Variants in NR6A1 observed in about 807,000 individuals in gnomAD.
The protein encoded by NR6A1 is nuclear receptor subfamily 6 group A member 1.
A neutral mutation model predicts 59.1 loss-of-function variants in NR6A1; 7 were observed. The ratio of observed to expected loss-of-function variants is 0.12; its 90% CI spans 0.07 to 0.22. The LOEUF is 0.22. Ranked by LOEUF, NR6A1 falls within the 10% of genes least tolerant of loss-of-function variation. The pLI is 1.00. For missense variants in NR6A1, 468 were observed against 611.6 expected (o/e 0.77, Z 2.48); for synonymous variants, 243 against 236.1 (o/e 1.03, Z -0.27).
At chr9:124,664,319 G>A (rs1837537763) in intron 2 of NR6A1, among the ~76,000 whole-genome samples, 1 of 152,192 alleles carries the variant, frequency 6.6e-6, no homozygotes, top group African/African-American at 2.4e-5. Context: ...TAGTTTAGAA[G>A]GAGGGTTTTC....
At chr9:124,543,458 A>T (rs1833506560) in intron 4 of NR6A1, among the ~76,000 whole-genome samples, 1 of 152,214 alleles carries the variant, frequency 6.6e-6, no homozygotes, top group South Asian at 2.1e-4. Context: ...AGATGAAATG[A>T]ACAAAGCAAA....
intron 2 of NR6A1, among the ~76,000 whole-genome samples, chr9:124,701,816 C>T (rs1194017169): frequency 6.6e-6 from 1 of 152,106 alleles, no homozygotes; most frequent in Non-Finnish European, 1.5e-5. Context: ...CTCCACCTCC[C>T]GGGTTCATGC....
intron 1 of NR6A1, among the ~76,000 whole-genome samples, chr9:124,749,492 T>C (rs952699837): frequency 2.6e-5 from 4 of 152,188 alleles, no homozygotes; most frequent in African/African-American, 9.7e-5. Context: ...AGTATTCATG[T>C]GAAAATTGAC....
At chr9:124,665,010 CA>C (rs59451556) in intron 2 of NR6A1, among the ~76,000 whole-genome samples, 1,449 of 13,720 alleles carry the variant, frequency 0.11, 168 homozygotes, top group East Asian at 0.49. Context: ...CTTGTATCTC[CA>C]AAAAAAAAAA....
rs536950588 is a variant in NR6A1, at chr9:124,733,436, G to A, written c.101-87C>T. On this transcript the variant is annotated intron_variant, in intron 1 of 9. Transcript: ENST00000487099. ...ATATGAAGTATCATACAGTTGGGGG[G>A]AAATCTATACTCAGAAGTCAATTTG... The A allele has an allele frequency of 1.0e-3, 1,043 of 1,018,686 alleles. 4 individuals carry two copies. Among genetic ancestry groups the A allele is most frequent in the Middle Eastern group, 2.3e-3 (11 of 4,682 alleles). The allele number at this position is 1,018,686 out of a possible 1,614,324, so 63.1% of individuals were successfully genotyped here.
intron 2 of NR6A1, among the ~76,000 whole-genome samples, chr9:124,701,994 G>C (rs1372818667): frequency 6.6e-6 from 1 of 152,164 alleles, no homozygotes; most frequent in Non-Finnish European, 1.5e-5. Flanking sequence ...CAAAGTGCTA[G>C]GATTACAGGT....
intron 1 of NR6A1, among the ~76,000 whole-genome samples, chr9:124,753,845 G>A (rs1300095458): frequency 6.6e-6 from 1 of 152,120 alleles, no homozygotes; most frequent in Non-Finnish European, 1.5e-5. Context: ...ACCTAGCCTT[G>A]CTTTTACCCT....
At chr9:124,573,949 G>A (rs1834521297) in intron 2 of NR6A1, among the ~76,000 whole-genome samples, 1 of 152,164 alleles carries the variant, frequency 6.6e-6, no homozygotes, top group South Asian at 2.1e-4. Flanking sequence ...ACAGAGGACA[G>A]ACAAGAGGAC....
At chr9:124,528,901 T>C (rs1330175733) in intron 7 of NR6A1, among the ~76,000 whole-genome samples, 1 of 152,238 alleles carries the variant, frequency 6.6e-6, no homozygotes, top group Non-Finnish European at 1.5e-5. Flanking sequence ...TATGCGTAGA[T>C]TATACACAAA....
At chr9:124,664,281 G>A (rs1407009362) in intron 2 of NR6A1, among the ~76,000 whole-genome samples, 1 of 152,238 alleles carries the variant, frequency 6.6e-6, no homozygotes, top group East Asian at 1.9e-4. Flanking sequence ...AAAGCAAACA[G>A]CGGAAGTGTA....
Position 124,569,523 on chromosome 9 carries a change from T to C in NR6A1, c.143-14953A>G, listed in dbSNP as rs375583058. Among the ~76,000 whole-genome samples the C allele has an allele frequency of 7.9e-5, 12 of 152,338 alleles. No homozygotes were observed. The East Asian group carries it at 9.6e-4, about 12-fold the overall frequency. On this transcript the variant is annotated intron_variant, in intron 2 of 9. Transcript: ENST00000487099. ...AGCCACTCGCTTGACCAAAATTTTATTGACAACTAAGGCAATCTGGAACTT... is the reference window on the plus strand; with the variant it reads ...AGCCACTCGCTTGACCAAAATTTTACTGACAACTAAGGCAATCTGGAACTT...
intron 1 of NR6A1, among the ~76,000 whole-genome samples, chr9:124,769,733 A>G (rs1314657530): frequency 6.6e-6 from 1 of 152,144 alleles, no homozygotes; most frequent in Non-Finnish European, 1.5e-5. Context: ...GGAGATGTGA[A>G]AGGTGGAAAA....
chr9:124,647,244 T>C (rs1277155837), intron 2 of NR6A1, among the ~76,000 whole-genome samples: 1 of 151,826 alleles, frequency 6.6e-6, no homozygotes, highest in African/African-American at 2.4e-5. Flanking sequence ...TAAACAAAAT[T>C]GACCAATTGT....
At chr9:124,525,714 C>T (rs1272522606) in intron 8 of NR6A1, among the ~76,000 whole-genome samples, 4 of 151,702 alleles carry the variant, frequency 2.6e-5, no homozygotes, top group South Asian at 2.1e-4. Flanking sequence ...TATATATACA[C>T]ACACACACAC....
intron 1 of NR6A1, among the ~76,000 whole-genome samples, chr9:124,751,346 G>T (rs189819607): frequency 3.3e-5 from 5 of 152,264 alleles, no homozygotes; most frequent in South Asian, 4.1e-4. Flanking sequence ...CTCTAAGAAC[G>T]AGAGAAAAAT....
chr9:124,630,679 T>C (rs1836410210), intron 2 of NR6A1, among the ~76,000 whole-genome samples: 1 of 135,164 alleles, frequency 7.4e-6, no homozygotes, highest in African/African-American at 3.0e-5. Flanking sequence ...TCTTTTTTTT[T>C]TTTTTTTTTT....
intron 2 of NR6A1, among the ~76,000 whole-genome samples, chr9:124,709,298 A>G (rs1469090340): frequency 6.6e-6 from 1 of 152,168 alleles, no homozygotes; most frequent in Non-Finnish European, 1.5e-5. Flanking sequence ...TCTACTGAAT[A>G]GTCAATTTAC....
chr9:124,746,601 GA>G (rs945831077), intron 1 of NR6A1, among the ~76,000 whole-genome samples: 4 of 148,024 alleles, frequency 2.7e-5, no homozygotes, highest in Non-Finnish European at 4.5e-5. Flanking sequence ...AAAGGAAAAA[GA>G]AAAAAAAACA....
chr9:124,521,971 G>T lies in NR6A1; in HGVS notation c.*734C>A, dbSNP rs1303922156. 2 of 152,260 alleles carry T rather than the reference G, an allele frequency of 1.3e-5. No homozygotes were observed. Among genetic ancestry groups the T allele is most frequent in the African/African-American group, 4.8e-5 (2 of 41,412 alleles). The allele number at this position is 152,260 out of a possible 1,614,324, so 9.4% of individuals were successfully genotyped here. On this transcript the variant is annotated 3_prime_UTR_variant, in exon 10 of 10. Coordinates refer to ENST00000487099, the MANE Select transcript of NR6A1 (RefSeq NM_033334.4). ...GTGGTAGACAATGATGGTGGTGCAG[G>T]GGTAAGGGGGGCAGCAAGGTGTGAG...
Sources: gnomAD v4.1 joint callset for allele counts (sites outside exome capture counted in the v4.1 genomes callset) on GRCh38, gnomAD v4.1.1 for gene constraint, MANE v1.5 for transcripts, NCBI Gene and HGNC (gene_info 2026-07-23, HGNC 2026-07-21) for gene names.